FER: variants seen among roughly 807,000 people sequenced by gnomAD.
FER encodes the protein FER tyrosine kinase.
A neutral mutation model predicts 111.0 loss-of-function variants in FER; 63 were observed. The observed-to-expected ratio is 0.57, with a 90% confidence interval of 0.46 to 0.70. FER has a LOEUF of 0.70. Among genes scored for constraint, FER ranks in the 30% least tolerant of loss-of-function variants. The probability of loss-of-function intolerance (pLI) is 0.00; values close to 1 mark genes in which losing one functional copy is unlikely to be tolerated. For missense variants in FER, 914 were observed against 954.0 expected, an observed-to-expected ratio of 0.96 and a Z score of 0.55; for synonymous variants, 327 against 313.9, an observed-to-expected ratio of 1.04 and a Z score of -0.44.
At chr5:109,183,709 G>A (rs1758544468) in intron 18 of FER, among the ~76,000 whole-genome samples, 1 of 152,156 alleles carries the variant, frequency 6.6e-6, no homozygotes, top group Admixed American at 6.5e-5. Flanking sequence ...TAGGGCCACA[G>A]AGCCATGATC....
chr5:108,785,052 G>T, intron 2 of FER: 1 of 383,954 alleles, frequency 2.6e-6, no homozygotes, highest in Non-Finnish European at 5.1e-6. Flanking sequence ...GTCACAGAGT[G>T]GGTGTCTTGT....
chr5:109,061,508 G>A (rs977624166), intron 16 of FER, among the ~76,000 whole-genome samples: 3 of 152,046 alleles, frequency 2.0e-5, no homozygotes, highest in Non-Finnish European at 4.4e-5. Flanking sequence ...ATAGAAAGTA[G>A]GCTAATAGTA....
intron 16 of FER, among the ~76,000 whole-genome samples, chr5:109,072,641 G>A (rs747639662): frequency 9.9e-5 from 15 of 151,754 alleles, no homozygotes; most frequent in South Asian, 2.1e-4. Flanking sequence ...TCCAGCTATC[G>A]GACTCAAAGG....
At chr5:108,941,106 A>G (rs1756208765) in intron 10 of FER, among the ~76,000 whole-genome samples, 1 of 152,086 alleles carries the variant, frequency 6.6e-6, no homozygotes. Context: ...AAGCTGGTGG[A>G]TCAGCTTTGA....
chr5:108,774,015 C>T (rs770669319), intron 2 of FER, among the ~76,000 whole-genome samples: 12 of 151,814 alleles, frequency 7.9e-5, no homozygotes, highest in African/African-American at 2.2e-4. Flanking sequence ...GGTGGTTTGC[C>T]GCACCTATTG....
chr5:109,015,174 A>G (rs1766901992), intron 13 of FER, among the ~76,000 whole-genome samples: 1 of 152,198 alleles, frequency 6.6e-6, no homozygotes, highest in South Asian at 2.1e-4. Context: ...ACATAGTAAT[A>G]TGGCTTTTTT....
chr5:108,961,900 G>C (rs1325485445), intron 13 of FER, among the ~76,000 whole-genome samples: 1 of 152,126 alleles, frequency 6.6e-6, no homozygotes, highest in Non-Finnish European at 1.5e-5. Context: ...ATAATGTGCT[G>C]TAAAATATTT....
intron 3 of FER, among the ~76,000 whole-genome samples, chr5:108,803,185 TG>T (rs1433285693): frequency 6.6e-6 from 1 of 151,980 alleles, no homozygotes; most frequent in Non-Finnish European, 1.5e-5. Context: ...CACTTTTTAA[TG>T]TTTTTTTTTC....
At chr5:109,185,477 A>T (rs1410241071) in intron 18 of FER, among the ~76,000 whole-genome samples, 1 of 152,238 alleles carries the variant, frequency 6.6e-6, no homozygotes, top group Non-Finnish European at 1.5e-5. Context: ...ATGGAAAGAA[A>T]ACGAAGTAGG....
intron 16 of FER, among the ~76,000 whole-genome samples, chr5:109,074,577 A>G (rs1168139687): frequency 6.6e-6 from 1 of 152,202 alleles, no homozygotes; most frequent in Admixed American, 6.5e-5. Context: ...TCCACTCTGC[A>G]GTACTATTAA....
At chr5:108,755,315 C>T (rs1010086758) in intron 1 of FER, among the ~76,000 whole-genome samples, 1 of 152,146 alleles carries the variant, frequency 6.6e-6, no homozygotes, top group Non-Finnish European at 1.5e-5. Context: ...GCTTCTGTTT[C>T]TTGGATGTTT....
At chr5:109,115,890 C>A (rs1750171574) in intron 17 of FER, among the ~76,000 whole-genome samples, 1 of 152,048 alleles carries the variant, frequency 6.6e-6, no homozygotes, top group African/African-American at 2.4e-5. Flanking sequence ...CCTTGGTCTA[C>A]TCTGTGGTAG....
At chr5:108,826,324 T>C (rs1305393389) in intron 3 of FER, among the ~76,000 whole-genome samples, 1 of 152,236 alleles carries the variant, frequency 6.6e-6, no homozygotes, top group East Asian at 1.9e-4. Context: ...TTTTAATATG[T>C]ATACAATTTT....
intron 10 of FER, among the ~76,000 whole-genome samples, chr5:108,938,124 A>G (rs1025277068): frequency 6.6e-6 from 1 of 151,584 alleles, no homozygotes; most frequent in African/African-American, 2.4e-5. Context: ...GATGGTTGAC[A>G]GTACCTCAGA....
At chr5:109,134,537 C>A (rs1454981477) in intron 17 of FER, among the ~76,000 whole-genome samples, 5 of 152,100 alleles carry the variant, frequency 3.3e-5, no homozygotes, top group Admixed American at 3.3e-4. Context: ...GCAATTAAAA[C>A]TAGATTTTGT....
At chr5:109,007,670 A>G (rs1429628898) in intron 13 of FER, among the ~76,000 whole-genome samples, 2 of 152,212 alleles carry the variant, frequency 1.3e-5, no homozygotes, top group Non-Finnish European at 2.9e-5. Flanking sequence ...TTCATTCCTC[A>G]GTTGAAAGAG....
intron 5 of FER, among the ~76,000 whole-genome samples, chr5:108,839,124 T>C (rs917173675): frequency 6.6e-6 from 1 of 152,146 alleles, no homozygotes; most frequent in Non-Finnish European, 1.5e-5. Context: ...CACATACATA[T>C]CCACAGCTGT....
At chr5:108,943,386 A>T (rs1683599927) in intron 10 of FER, among the ~76,000 whole-genome samples, 2 of 152,254 alleles carry the variant, frequency 1.3e-5, no homozygotes, top group Middle Eastern at 3.4e-3. Context: ...ATCCCTTCTG[A>T]CTTCAAGAAC....
chr5:108,942,295 C>G (rs1028308489), intron 10 of FER, among the ~76,000 whole-genome samples: 1 of 152,026 alleles, frequency 6.6e-6, no homozygotes, highest in East Asian at 1.9e-4. Context: ...TGGATCTCAC[C>G]GAACTCTATT....
Sources: allele counts gnomAD v4.1 joint callset (sites outside exome capture counted in the v4.1 genomes callset), GRCh38; gene constraint gnomAD v4.1.1; transcripts MANE v1.5; gene names NCBI Gene and HGNC (gene_info 2026-07-23, HGNC 2026-07-21).